The following WWOX variants were observed in gnomAD, a reference collection of about 807,000 sequenced individuals.
WWOX encodes the protein WW domain-containing oxidoreductase.
In WWOX, 69 loss-of-function variants were observed where a neutral mutation model predicts 46.2. The observed-to-expected ratio is 1.49, with a 90% CI of 1.23 to 1.82. The LOEUF (loss-of-function observed/expected upper bound fraction) is 1.82, where lower values mean the gene tolerates loss of function less well. Among genes scored for constraint, WWOX ranks in the 40% most tolerant of loss-of-function variants. The pLI, the probability that WWOX is intolerant of heterozygous loss-of-function variation, is 0.00. For missense variants in WWOX, 919 were observed against 542.6 expected, an observed-to-expected ratio of 1.69 and a Z score of -6.89; for synonymous variants, 359 against 202.6, an observed-to-expected ratio of 1.77 and a Z score of -6.56.
At chr16:78,563,735 A>T (rs2044496161) in intron 8 of WWOX, among the ~76,000 whole-genome samples, 1 of 152,060 alleles carries the variant, frequency 6.6e-6, no homozygotes, top group African/African-American at 2.4e-5. Flanking sequence ...TGGTTGGCAG[A>T]TATTAAGTCC....
At chr16:78,249,708 A>G (rs578182481) in intron 5 of WWOX, among the ~76,000 whole-genome samples, 1 of 152,298 alleles carries the variant, frequency 6.6e-6, no homozygotes, top group East Asian at 1.9e-4. Context: ...CATTTCAACA[A>G]CATTTCGGAC....
At chr16:78,278,980 T>A (rs988103968) in intron 5 of WWOX, among the ~76,000 whole-genome samples, 2 of 152,192 alleles carry the variant, frequency 1.3e-5, no homozygotes, top group African/African-American at 4.8e-5. Context: ...CCATCTCTAT[T>A]GTATTATCTG....
rs150860905 is a variant in WWOX, at chr16:79,180,501, G to A, written c.1057-31107G>A. ...TAACCAGGCTCAGCTGTGTGTCTTC[G>A]TGAGCCTCCTTGTGGACCCTCAAAT... On this transcript the variant is annotated intron_variant, in intron 8 of 8. Coordinates refer to ENST00000566780, the MANE Select transcript of WWOX (RefSeq NM_016373.4). Among the ~76,000 whole-genome samples the A allele has an allele frequency of 2.8e-3, 425 of 152,288 alleles. 2 individuals are homozygous for A. The highest frequency in any genetic ancestry group is 1.0e-2 in the African/African-American group (415 of 41,548).
At chr16:78,757,487 G>C (rs961648185) in intron 8 of WWOX, among the ~76,000 whole-genome samples, 1 of 152,138 alleles carries the variant, frequency 6.6e-6, no homozygotes, top group Non-Finnish European at 1.5e-5. Flanking sequence ...TAGGACCCTG[G>C]CTGCATGAGC....
intron 8 of WWOX, among the ~76,000 whole-genome samples, chr16:79,172,610 C>T (rs1028956320): frequency 2.0e-5 from 3 of 152,152 alleles, no homozygotes; most frequent in Non-Finnish European, 4.4e-5. Flanking sequence ...TTTTGCCCTC[C>T]CTCGGAATCT....
At position 78,114,710 on chromosome 16, in the gene WWOX, A is replaced by G. The variant is rs931740904; in HGVS notation, c.231-266A>G. On this transcript the variant is annotated intron_variant, in intron 3 of 8. Transcript: ENST00000566780. ...TCTCAAGAAGCCTTTTTTGAGATCT[A>G]AGGATACATGGCAATAGTTATTGTA... Among the ~76,000 whole-genome samples the G allele has an allele frequency of 6.1e-5, 9 of 147,230 alleles. 1 individual carries two copies. Among genetic ancestry groups the G allele is most frequent in the African/African-American group, 2.5e-4 (9 of 36,724 alleles).
intron 5 of WWOX, among the ~76,000 whole-genome samples, chr16:78,214,832 C>CAAAAA: frequency 6.8e-6 from 1 of 146,634 alleles, no homozygotes; most frequent in South Asian, 2.2e-4. Context: ...TAAATATTAC[C>CAAAAA]AAAAAAAAAA....
intron 8 of WWOX, among the ~76,000 whole-genome samples, chr16:78,528,268 C>G (rs548771699): frequency 6.7e-6 from 1 of 148,750 alleles, no homozygotes; most frequent in Admixed American, 6.8e-5. Flanking sequence ...CCCACCTCGG[C>G]CTCACAAAGT....
intron 8 of WWOX, among the ~76,000 whole-genome samples, chr16:78,762,220 A>C (rs8182114): frequency 0.79 from 119,754 of 152,134 alleles, 47,544 homozygotes; most frequent in Non-Finnish European, 0.83. Context: ...AGCCAAGAGC[A>C]TACAGCAGCT....
chr16:78,709,091 C>T (rs1379076220), intron 8 of WWOX, among the ~76,000 whole-genome samples: 2 of 152,072 alleles, frequency 1.3e-5, no homozygotes, highest in African/African-American at 2.4e-5. Context: ...AGGTTTATCG[C>T]CCTGCGTGTC....
intron 8 of WWOX, among the ~76,000 whole-genome samples, chr16:78,648,014 C>T (rs1373716941): frequency 1.3e-5 from 2 of 152,168 alleles, no homozygotes; most frequent in Non-Finnish European, 2.9e-5. Context: ...ATTCATTTGG[C>T]TTCTTGAACC....
At chr16:79,146,310 C>G (rs1350102605) in intron 8 of WWOX, among the ~76,000 whole-genome samples, 1 of 152,110 alleles carries the variant, frequency 6.6e-6, no homozygotes. Context: ...ATTCTCCTAC[C>G]AGCAGAGCCT....
chr16:78,616,947 C>A (rs2548837), intron 8 of WWOX, among the ~76,000 whole-genome samples: 106,053 of 152,016 alleles, frequency 0.7, 37,202 homozygotes, highest in Middle Eastern at 0.76. Flanking sequence ...TATAATGTTC[C>A]TTTTGCTTTA....
At chr16:78,876,475 T>C (rs2044236590) in intron 8 of WWOX, among the ~76,000 whole-genome samples, 2 of 152,086 alleles carry the variant, frequency 1.3e-5, no homozygotes, top group Non-Finnish European at 2.9e-5. Context: ...CTCTTCTTTT[T>C]TTTTTTTTTT....
At chr16:78,312,752 T>C (rs1344472679) in intron 5 of WWOX, among the ~76,000 whole-genome samples, 1 of 152,222 alleles carries the variant, frequency 6.6e-6, no homozygotes, top group Non-Finnish European at 1.5e-5. Flanking sequence ...GAAGGTCGTC[T>C]GGCTTTATGG....
At chr16:79,208,174 C>G (rs1233647918) in intron 8 of WWOX, among the ~76,000 whole-genome samples, 2 of 152,182 alleles carry the variant, frequency 1.3e-5, no homozygotes, top group East Asian at 1.9e-4. Context: ...TTGCACAGTT[C>G]TCCTCTGGCA....
chr16:78,974,670 A>T (rs2046536516), intron 8 of WWOX, among the ~76,000 whole-genome samples: 1 of 152,144 alleles, frequency 6.6e-6, no homozygotes, highest in African/African-American at 2.4e-5. Context: ...GAAGAGGAGG[A>T]CAGATTATTC....
intron 5 of WWOX, among the ~76,000 whole-genome samples, chr16:78,266,726 A>C (rs539483953): frequency 6.6e-6 from 1 of 151,626 alleles, no homozygotes; most frequent in African/African-American, 2.4e-5. Context: ...AGCTAAACTC[A>C]TCGCTTCCAA....
chr16:78,324,664 GC>G (rs774213017), intron 5 of WWOX, among the ~76,000 whole-genome samples: 5 of 151,994 alleles, frequency 3.3e-5, no homozygotes, highest in Non-Finnish European at 5.9e-5. Context: ...TAAACATGAG[GC>G]TAAGTGAAAG....
Sources: allele counts gnomAD v4.1 joint callset (sites outside exome capture counted in the v4.1 genomes callset), GRCh38; gene constraint gnomAD v4.1.1; transcripts MANE v1.5; gene names NCBI Gene and HGNC (gene_info 2026-07-23, HGNC 2026-07-21).